Variants in TGM3 observed in about 807,000 individuals in gnomAD.
The protein encoded by TGM3 is protein-glutamine gamma-glutamyltransferase E.
TGM3 carries 52 observed loss-of-function variants against 73.8 expected under a neutral mutation model. That is an observed-to-expected ratio of 0.70 (90% CI 0.56 to 0.89). TGM3 has a LOEUF of 0.89. Ranked by LOEUF, TGM3 falls within the 40% of genes least tolerant of loss-of-function variation. The probability of loss-of-function intolerance (pLI) is 0.00; values close to 1 mark genes in which losing one functional copy is unlikely to be tolerated. For synonymous variants in TGM3, 372 were observed against 354.9 expected (o/e 1.05, Z -0.54); for missense variants, 928 against 909.9 (o/e 1.02, Z -0.26).
chr20:2,333,420 C>A (rs1568633203), intron 10 of TGM3, among the ~76,000 whole-genome samples: 1 of 152,108 alleles, frequency 6.6e-6, no homozygotes, highest in African/African-American at 2.4e-5. Flanking sequence ...TAGACAGGAT[C>A]TTGCTCTGTC....
chr20:2,332,255 G>T lies in TGM3; in HGVS notation c.1587G>T (p.Thr529=), dbSNP rs369738624. Residue 529 remains threonine, a synonymous_variant, in exon 10 of 13, where the codon ACG becomes ACT. Coordinates refer to ENST00000381458, the MANE Select transcript of TGM3 (RefSeq NM_003245.4). The surrounding 1 kb of genome is among the most constrained non-coding windows in gnomAD (Gnocchi z 4.4). ...MTAWTIIYNG[T]LVHEVWKDSA... is the part of the protein sequence containing the mutation. ...CCTGGACCATCATCTACAACGGCAC[G>T]CTTGTACATGAAGTGTGGAAGGACT... The T allele has an allele frequency of 6.2e-7, 1 of 1,613,620 alleles. No individual in the cohort carries two copies. The highest frequency in any genetic ancestry group is 8.5e-7 in the Non-Finnish European group (1 of 1,179,726).
chr20:2,299,172 A>G (rs539433128), intron 1 of TGM3, among the ~76,000 whole-genome samples: 1 of 152,172 alleles, frequency 6.6e-6, no homozygotes, highest in South Asian at 2.1e-4. Flanking sequence ...CCTCATCTCC[A>G]AAATGGGGTT....
chr20:2,300,173 AAGAAAG>A (rs1267362787), intron 1 of TGM3, among the ~76,000 whole-genome samples: 29 of 151,254 alleles, frequency 1.9e-4, no homozygotes, highest in African/African-American at 5.6e-4. Flanking sequence ...AAGGAAGGAA[AAGAAAG>A]AGAAAGAGAA....
At chr20:2,313,651 ACT>A (rs111654089) in intron 5 of TGM3, among the ~76,000 whole-genome samples, 9 of 150,180 alleles carry the variant, frequency 6.0e-5, no homozygotes, top group Admixed American at 4.6e-4. Context: ...AATCACACAC[ACT>A]CTCTCTCTCT....
chr20:2,299,320 G>C (rs2084129499), intron 1 of TGM3, among the ~76,000 whole-genome samples: 1 of 152,144 alleles, frequency 6.6e-6, no homozygotes, highest in South Asian at 2.1e-4. Context: ...ATTCCCAGGG[G>C]ACCCTCTCCA....
At chr20:2,304,246 G>C (rs2084166160) in intron 1 of TGM3, among the ~76,000 whole-genome samples, 1 of 152,186 alleles carries the variant, frequency 6.6e-6, no homozygotes, top group Non-Finnish European at 1.5e-5. Context: ...AGGATCATTG[G>C]ATCCTTGAAT....
At chr20:2,316,915 A>G (rs2084236292) in intron 5 of TGM3, among the ~76,000 whole-genome samples, 153 bp from the exon 6 acceptor site, 1 of 152,200 alleles carries the variant, frequency 6.6e-6, no homozygotes, top group African/African-American at 2.4e-5. Flanking sequence ...TACAATGATC[A>G]TCCCCAAGTC....
At chr20:2,320,674 G>A (rs144103901) in intron 7 of TGM3, among the ~76,000 whole-genome samples, 16 of 152,210 alleles carry the variant, frequency 1.1e-4, no homozygotes, top group African/African-American at 1.9e-4. Flanking sequence ...ACGCAGTTCC[G>A]GAGTATTCAC....
At chr20:2,307,374 C>T (rs1175289775) in intron 1 of TGM3, among the ~76,000 whole-genome samples, 1 of 152,092 alleles carries the variant, frequency 6.6e-6, no homozygotes, top group Non-Finnish European at 1.5e-5. Flanking sequence ...CCTGTCTCAC[C>T]TTTCTCTCTT....
chr20:2,328,395 C>G lies in TGM3; in HGVS notation c.1333+30C>G. On this transcript the variant is annotated intron_variant, in intron 9 of 12. Transcript: ENST00000381458. This position sits in a 1 kb window ranked among gnomAD's most constrained non-coding sequence, Gnocchi z 5.2. ...GAGGGACGCTGGCGGGGCAGTGCCG[C>G]GAGAGGTTCTATTGTGGGAGGATGG... is the stretch of plus-strand genomic sequence containing the variant. 1 of 1,612,398 alleles carries G rather than the reference C, an allele frequency of 6.2e-7. No individual in the cohort carries two copies. Among genetic ancestry groups the G allele is most frequent in the African/African-American group, 1.3e-5 (1 of 74,998 alleles).
At chr20:2,323,675 G>T (rs2084272811) in intron 7 of TGM3, among the ~76,000 whole-genome samples, 1 of 152,120 alleles carries the variant, frequency 6.6e-6, no homozygotes, top group Non-Finnish European at 1.5e-5. Flanking sequence ...CCACCAGTGG[G>T]GTATGACAGT....
At chr20:2,319,201 A>C (rs1390827483) in intron 7 of TGM3, among the ~76,000 whole-genome samples, 1 of 152,106 alleles carries the variant, frequency 6.6e-6, no homozygotes, top group Non-Finnish European at 1.5e-5. Flanking sequence ...TCCTAACTTT[A>C]GTTTCTTCTA....
rs45476900 is a variant in TGM3, at chr20:2,329,418, A to G, written c.1333+1053A>G. ...GGAGGCACAGTTTTAGGGTTATGAG[A>G]TTGGTGGCCTCAATTTGGCCCCAGT... On this transcript the variant is annotated intron_variant, in intron 9 of 12. Transcript: ENST00000381458. 8.6e-3 allele frequency among the ~76,000 whole-genome samples: 1,316 copies of G among 152,172 alleles called. 12 individuals are homozygous for G. The highest frequency in any genetic ancestry group is 0.027 in the African/African-American group (1,126 of 41,518).
In TGM3 at chr20:2,340,655, G is replaced by C; in HGVS notation, c.*74G>C. Reference sequence around the variant, plus strand: ...GAGCTCACCATGGAATGAACCCCCCGCCCATGCTGTCCGGCCTGGGAAACC... The same window carrying C: ...GAGCTCACCATGGAATGAACCCCCCCCCCATGCTGTCCGGCCTGGGAAACC... On this transcript the variant is annotated 3_prime_UTR_variant, in exon 13 of 13. Coordinates refer to ENST00000381458, the MANE Select transcript of TGM3 (RefSeq NM_003245.4). 1 of 1,592,116 alleles carries C rather than the reference G, an allele frequency of 6.3e-7. No homozygotes were observed. The highest frequency in any genetic ancestry group is 8.6e-7 in the Non-Finnish European group (1 of 1,164,640).
intron 9 of TGM3, among the ~76,000 whole-genome samples, chr20:2,330,711 A>C (rs1221382742): frequency 1.3e-5 from 2 of 152,118 alleles, no homozygotes; most frequent in Non-Finnish European, 2.9e-5. Context: ...AAATGCTTAC[A>C]ATAAGTCATC....
chr20:2,309,352 A>G (rs1568623677), intron 1 of TGM3, among the ~76,000 whole-genome samples: 1 of 152,196 alleles, frequency 6.6e-6, no homozygotes, highest in Non-Finnish European at 1.5e-5. Flanking sequence ...GAGGGGGGAA[A>G]GACACTCTCA....
At chr20:2,311,190 T>A in intron 4 of TGM3, 61 bp downstream of exon 4, 1 of 1,373,226 alleles carries the variant, frequency 7.3e-7, no homozygotes, top group South Asian at 1.2e-5. Context: ...CTCAGCAGCT[T>A]GCCCCACAGA....
intron 1 of TGM3, among the ~76,000 whole-genome samples, chr20:2,309,356 A>G (rs1349800609): frequency 6.6e-6 from 1 of 152,000 alleles, no homozygotes; most frequent in Non-Finnish European, 1.5e-5. Context: ...GGGGAAAGAC[A>G]CTCTCAGCTG....
chr20:2,307,762 G>T (rs1182154664), intron 1 of TGM3, among the ~76,000 whole-genome samples: 2 of 152,082 alleles, frequency 1.3e-5, no homozygotes, highest in Non-Finnish European at 2.9e-5. Flanking sequence ...TTTATTGAAT[G>T]AATACTTCAT....
Sources: allele counts gnomAD v4.1 joint callset (sites outside exome capture counted in the v4.1 genomes callset), GRCh38; gene constraint gnomAD v4.1.1; non-coding constraint Gnocchi (gnomAD v3.1); transcripts MANE v1.5; gene names NCBI Gene and HGNC (gene_info 2026-07-23, HGNC 2026-07-21).